The following SPAG16 variants were observed in gnomAD, a reference collection of about 807,000 sequenced individuals.
The protein encoded by SPAG16 is sperm-associated antigen 16 protein.
A neutral mutation model predicts 80.4 loss-of-function variants in SPAG16; 86 were observed. The ratio of observed to expected loss-of-function variants is 1.07; its 90% CI spans 0.90 to 1.28. The LOEUF (loss-of-function observed/expected upper bound fraction) is 1.28, where lower values mean the gene tolerates loss of function less well. SPAG16 is among the 50% of genes most tolerant of loss of function. The probability of loss-of-function intolerance (pLI) is 0.00; values close to 1 mark genes in which losing one functional copy is unlikely to be tolerated. For missense variants in SPAG16, 870 were observed against 765.3 expected (o/e 1.14, Z -1.61); for synonymous variants, 294 against 265.9 (o/e 1.11, Z -1.03).
chr2:214,359,750 T>C (rs556749425), intron 15 of SPAG16, among the ~76,000 whole-genome samples: 1 of 152,002 alleles, frequency 6.6e-6, no homozygotes, highest in African/African-American at 2.4e-5. Flanking sequence ...AAAGAATTAA[T>C]TAAATGTATT....
At chr2:213,520,017 G>C (rs930512060) in intron 10 of SPAG16, among the ~76,000 whole-genome samples, 1 of 151,434 alleles carries the variant, frequency 6.6e-6, no homozygotes, top group Non-Finnish European at 1.5e-5. Flanking sequence ...ATACACATAT[G>C]CATGTGCGTG....
intron 15 of SPAG16, among the ~76,000 whole-genome samples, chr2:214,273,769 G>T (rs1381593660): frequency 6.6e-6 from 1 of 152,094 alleles, no homozygotes; most frequent in African/African-American, 2.4e-5. Context: ...GGATTGCCTT[G>T]GCAATGCAGA....
At chr2:213,746,133 G>T (rs537745579) in intron 10 of SPAG16, among the ~76,000 whole-genome samples, 2 of 152,286 alleles carry the variant, frequency 1.3e-5, no homozygotes, top group African/African-American at 4.8e-5. Flanking sequence ...CATATTTTTT[G>T]TCATAGACAC....
chr2:213,542,049 A>C (rs903596991), intron 10 of SPAG16, among the ~76,000 whole-genome samples: 16 of 152,120 alleles, frequency 1.1e-4, no homozygotes, highest in Non-Finnish European at 2.1e-4. Context: ...TCAATATTAA[A>C]CCTGAGCTAT....
At chr2:214,028,911 C>T (rs1034744395) in intron 13 of SPAG16, among the ~76,000 whole-genome samples, 7 of 151,940 alleles carry the variant, frequency 4.6e-5, no homozygotes, top group Non-Finnish European at 7.4e-5. Flanking sequence ...GAATGCCTAA[C>T]GTGTAGCAGG....
At chr2:214,265,772 TTG>T (rs1691519718) in intron 15 of SPAG16, among the ~76,000 whole-genome samples, 1 of 151,924 alleles carries the variant, frequency 6.6e-6, no homozygotes, top group South Asian at 2.1e-4. Flanking sequence ...AGTTAAATTA[TTG>T]TGAGTTCTAA....
At chr2:213,576,699 T>C (rs572142222) in intron 10 of SPAG16, among the ~76,000 whole-genome samples, 1 of 152,248 alleles carries the variant, frequency 6.6e-6, no homozygotes, top group South Asian at 2.1e-4. Context: ...TGGAGGCCAT[T>C]ATCCTTAGCA....
Position 213,903,456 on chromosome 2 carries a change from G to T in SPAG16, c.1215-26504G>T, listed in dbSNP as rs372557215. ...GAGCTTGCACCCTCTGCAAGCCATGGCCCAAGCTCTACGTTGGCCCCTTTC... is the reference window on the plus strand; with the variant it reads ...GAGCTTGCACCCTCTGCAAGCCATGTCCCAAGCTCTACGTTGGCCCCTTTC... On this transcript the variant is annotated intron_variant, in intron 11 of 15. Transcript: ENST00000331683. Among the ~76,000 whole-genome samples, 9 of 152,262 alleles carry T rather than the reference G, an allele frequency of 5.9e-5. No individual in the cohort carries two copies. In the South Asian group the frequency reaches 1.9e-3, roughly 32 times the overall value.
chr2:213,739,144 G>A (rs1214323270), intron 10 of SPAG16, among the ~76,000 whole-genome samples: 1 of 152,096 alleles, frequency 6.6e-6, no homozygotes, highest in African/African-American at 2.4e-5. Context: ...TATCCTAGTA[G>A]CAATTTATAA....
chr2:213,896,486 A>G (rs963129166), intron 11 of SPAG16, among the ~76,000 whole-genome samples: 2 of 151,448 alleles, frequency 1.3e-5, no homozygotes, highest in African/African-American at 4.8e-5. Flanking sequence ...GAGACATTAC[A>G]CTCTCATGTT....
At chr2:214,055,296 T>C (rs780564802) in intron 13 of SPAG16, among the ~76,000 whole-genome samples, 4 of 152,150 alleles carry the variant, frequency 2.6e-5, no homozygotes, top group Non-Finnish European at 2.9e-5. Context: ...TTTAAAAACA[T>C]GAATCCTATA....
At chr2:213,584,927 G>T (rs530428320) in intron 10 of SPAG16, among the ~76,000 whole-genome samples, 1 of 152,126 alleles carries the variant, frequency 6.6e-6, no homozygotes, top group Admixed American at 6.5e-5. Context: ...GGTGGCTCAC[G>T]CCAGTAATCC....
chr2:213,328,972 G>C (rs1240197278), intron 5 of SPAG16, among the ~76,000 whole-genome samples: 1 of 152,120 alleles, frequency 6.6e-6, no homozygotes, highest in African/African-American at 2.4e-5. Context: ...GTTTTAGAAA[G>C]GGGAGTTTCC....
chr2:214,133,589 G>A (rs1454403012), intron 14 of SPAG16, among the ~76,000 whole-genome samples: 1 of 152,092 alleles, frequency 6.6e-6, no homozygotes, highest in Non-Finnish European at 1.5e-5. Context: ...TCTGGTAGGT[G>A]GAGGTTGCAG....
At chr2:213,862,435 A>T in intron 10 of SPAG16, 50 bp from the exon 11 acceptor site, 1 of 1,589,604 alleles carries the variant, frequency 6.3e-7, no homozygotes, top group Non-Finnish European at 8.6e-7. Context: ...ATATTCTGAA[A>T]ACATTTGCTA....
chr2:213,341,336 A>G (rs1029681164), intron 6 of SPAG16, among the ~76,000 whole-genome samples: 2 of 152,212 alleles, frequency 1.3e-5, no homozygotes, highest in African/African-American at 4.8e-5. Context: ...CGATTGCATA[A>G]TAAATCAGCT....
intron 1 of SPAG16, among the ~76,000 whole-genome samples, chr2:213,289,399 AC>A (rs1348088902): frequency 2.0e-5 from 3 of 152,194 alleles, no homozygotes; most frequent in Non-Finnish European, 1.5e-5. Context: ...GCTATGTAGG[AC>A]AGGGGTGGCC....
At chr2:214,053,032 G>A (rs1332231805) in intron 13 of SPAG16, among the ~76,000 whole-genome samples, 1 of 152,122 alleles carries the variant, frequency 6.6e-6, no homozygotes, top group African/African-American at 2.4e-5. Context: ...CAAATATTCT[G>A]TAGAGTTCAC....
chr2:214,218,668 T>C (rs998394068), intron 15 of SPAG16, among the ~76,000 whole-genome samples: 2 of 152,222 alleles, frequency 1.3e-5, no homozygotes, highest in Non-Finnish European at 2.9e-5. Context: ...TGATTTATTA[T>C]TGAATATTAT....
Sources: allele counts gnomAD v4.1 joint callset (sites outside exome capture counted in the v4.1 genomes callset), GRCh38; gene constraint gnomAD v4.1.1; transcripts MANE v1.5; gene names NCBI Gene and HGNC (gene_info 2026-07-23, HGNC 2026-07-21).